ADGRL4: variants seen among roughly 807,000 people sequenced by gnomAD.
The protein encoded by ADGRL4 is EGF, latrophilin and seven transmembrane domain containing 1.
Under a neutral mutation model 74.8 loss-of-function variants are expected in ADGRL4, and 90 were observed. The ratio of observed to expected loss-of-function variants is 1.20; its 90% CI spans 1.02 to 1.43. ADGRL4 has a LOEUF of 1.43. Ranked by LOEUF, ADGRL4 falls within the 40% of genes most tolerant of loss-of-function variation. The pLI is 0.00. For missense variants in ADGRL4, 881 were observed against 814.3 expected, an observed-to-expected ratio of 1.08 and a Z score of -1.00; for synonymous variants, 311 against 279.2, an observed-to-expected ratio of 1.11 and a Z score of -1.14.
intron 2 of ADGRL4, among the ~76,000 whole-genome samples, chr1:78,965,115 C>T: frequency 6.6e-6 from 1 of 151,968 alleles, no homozygotes; most frequent in East Asian, 1.9e-4. Context: ...CCTTTTGATG[C>T]TTATAATTAT....
Position 78,891,172 on chromosome 1 carries a change from A to G in ADGRL4, c.2055T>C (p.Cys685=), listed in dbSNP as rs1411590120. ...TCTATGTTTACCTTAAACATCCAAAACAACAGGGGACATTTTTGAACAATC... is the reference window on the plus strand; with the variant it reads ...TCTATGTTTACCTTAAACATCCAAAGCAACAGGGGACATTTTTGAACAATC... The part of the protein sequence containing the change: ...YYRLFKNVPC[C]FGCLR Residue 685 remains cysteine (C), a synonymous_variant, in exon 15 of 15, where the codon TGT becomes TGC. Transcript: ENST00000370742. 6.2e-7 allele frequency: 1 copy of G among 1,611,368 alleles called. No homozygotes were observed. Among genetic ancestry groups the G allele is most frequent in the Non-Finnish European group, 8.5e-7 (1 of 1,178,336 alleles).
intron 2 of ADGRL4, among the ~76,000 whole-genome samples, chr1:78,956,907 C>T (rs1213871790): frequency 6.6e-6 from 1 of 152,106 alleles, no homozygotes; most frequent in Non-Finnish European, 1.5e-5. Context: ...TGTTTCAGCT[C>T]TGTGTCAATC....
At chr1:78,945,196 A>ATATATATATCTCTC (rs1553136479) in intron 3 of ADGRL4, among the ~76,000 whole-genome samples, 1 of 148,222 alleles carries the variant, frequency 6.7e-6, no homozygotes, top group African/African-American at 2.5e-5. Flanking sequence ...ATATATATAT[A>ATATATATATCTCTC]TCTCAATAGG....
chr1:78,966,454 G>A (rs532377124), intron 2 of ADGRL4, among the ~76,000 whole-genome samples: 2 of 152,224 alleles, frequency 1.3e-5, no homozygotes, highest in African/African-American at 4.8e-5. Context: ...GCCCAACGTG[G>A]GTCTTGAGAA....
chr1:78,935,193 G>A (rs982996991), intron 7 of ADGRL4, among the ~76,000 whole-genome samples: 4 of 152,142 alleles, frequency 2.6e-5, no homozygotes, highest in African/African-American at 7.2e-5. Context: ...AGAAAATGTG[G>A]TACATATACA....
Position 78,946,370 on chromosome 1 carries a change from T to G in ADGRL4, c.229A>C (p.Asn77His). The change falls in exon 3 of 15, where the codon AAC (asparagine) becomes CAC (histidine). Residue 77 changes from asparagine (N) to histidine (H), a missense_variant. Asn to His is a moderately conservative substitution (Grantham distance 68, BLOSUM62 1). Coordinates refer to ENST00000370742, the MANE Select transcript of ADGRL4 (RefSeq NM_022159.4). ...QSCGENANCT[N>H]TEGSYYCMCV... is the part of the protein sequence containing the mutation. ...ATACAATAATAACTTCCTTCTGTGT[T>G]AGTGCAATTAGCATTTTCGCCACAG... is the stretch of plus-strand genomic sequence containing the variant. 2 of 1,613,180 alleles carry G rather than the reference T, an allele frequency of 1.2e-6. No homozygotes were observed. The highest frequency in any genetic ancestry group is 1.7e-4 in the Middle Eastern group (1 of 6,058).
chr1:78,900,663 TC>T (rs1648497892), intron 12 of ADGRL4, among the ~76,000 whole-genome samples: 1 of 152,058 alleles, frequency 6.6e-6, no homozygotes, highest in Admixed American at 6.6e-5. Flanking sequence ...GTCGCACCTC[TC>T]CCTTCACTAT....
Position 78,891,581 on chromosome 1 carries a change from G to C in ADGRL4, c.1953C>G (p.Val651=). The change falls in exon 14 of 15, where the codon GTC becomes GTG. Residue 651 remains valine, a synonymous_variant. Transcript: ENST00000370742. ...TGAACATCCCCTGGAAAGCATTGCT[G>C]ACTGTGAAGAGGTAAGCTGTAACCA... The part of the protein sequence containing the change: ...ASVVTAYLFT[V]SNAFQGMFIF... The C allele has an allele frequency of 6.2e-7, 1 of 1,613,532 alleles. No homozygotes were observed. The highest frequency in any genetic ancestry group is 8.5e-7 in the Non-Finnish European group (1 of 1,179,696).
chr1:78,951,640 T>A (rs1220259202), intron 2 of ADGRL4, among the ~76,000 whole-genome samples: 1 of 152,202 alleles, frequency 6.6e-6, no homozygotes, highest in Non-Finnish European at 1.5e-5. Context: ...TGTTAAATGG[T>A]ACATTTTATA....
At chr1:78,968,203 C>G (rs574844448) in intron 2 of ADGRL4, among the ~76,000 whole-genome samples, 1 of 151,920 alleles carries the variant, frequency 6.6e-6, no homozygotes, top group East Asian at 1.9e-4. Context: ...ACAGAGATAA[C>G]CAAACTTTTT....
chr1:78,892,326 T>C (rs1443222211), intron 13 of ADGRL4, among the ~76,000 whole-genome samples: 6 of 152,186 alleles, frequency 3.9e-5, no homozygotes, highest in Non-Finnish European at 8.8e-5. Flanking sequence ...CTTACATCTT[T>C]TCAGCAGAAT....
intron 12 of ADGRL4, 131 bp from the exon 13 acceptor site, chr1:78,893,320 T>C: frequency 1.6e-6 from 1 of 642,586 alleles, no homozygotes; most frequent in Non-Finnish European, 2.6e-6. Flanking sequence ...TTCTTTACAA[T>C]ATCACTGAAA....
At chr1:78,892,882 G>A (rs1055747701) in intron 13 of ADGRL4, among the ~76,000 whole-genome samples, 1 of 151,798 alleles carries the variant, frequency 6.6e-6, no homozygotes, top group African/African-American at 2.4e-5. Context: ...CTTTCAAAGG[G>A]GTGTATGTTT....
At chr1:78,908,072 T>C (rs1420090521) in intron 12 of ADGRL4, among the ~76,000 whole-genome samples, 1 of 152,022 alleles carries the variant, frequency 6.6e-6, no homozygotes, top group Non-Finnish European at 1.5e-5. Context: ...AACTCATATT[T>C]TGCAGGGAAT....
At chr1:79,001,803 T>C (rs1429620746) in intron 2 of ADGRL4, among the ~76,000 whole-genome samples, 1 of 152,162 alleles carries the variant, frequency 6.6e-6, no homozygotes, top group African/African-American at 2.4e-5. Flanking sequence ...TTGTAATTGC[T>C]AAAATAAGTA....
chr1:78,931,306 C>T (rs150344100), intron 7 of ADGRL4, among the ~76,000 whole-genome samples: 41 of 151,390 alleles, frequency 2.7e-4, no homozygotes, highest in African/African-American at 9.8e-4. Context: ...AATTTTCAAC[C>T]CAGAGTTTCA....
intron 10 of ADGRL4, among the ~76,000 whole-genome samples, 164 bp from the exon 11 acceptor site, chr1:78,918,214 G>A (rs2100669764): frequency 6.6e-6 from 1 of 151,948 alleles, no homozygotes; most frequent in East Asian, 1.9e-4. Flanking sequence ...AGTTCTTAAA[G>A]ATTTAGAAAA....
intron 2 of ADGRL4, among the ~76,000 whole-genome samples, chr1:78,964,462 A>T (rs1296684801): frequency 6.6e-6 from 1 of 152,204 alleles, no homozygotes; most frequent in East Asian, 1.9e-4. Context: ...TATATGAGGC[A>T]AAAGTAAGTG....
intron 2 of ADGRL4, among the ~76,000 whole-genome samples, chr1:79,002,331 C>A (rs1339296165): frequency 6.6e-6 from 1 of 152,076 alleles, no homozygotes; most frequent in Admixed American, 6.5e-5. Context: ...AGTTTATAAC[C>A]ATACAACGTT....
Sources: gnomAD v4.1 joint callset for allele counts (sites outside exome capture counted in the v4.1 genomes callset) on GRCh38, gnomAD v4.1.1 for gene constraint, MANE v1.5 for transcripts, NCBI Gene and HGNC (gene_info 2026-07-23, HGNC 2026-07-21) for gene names.